The following VPS13A variants were observed in gnomAD, a reference collection of about 807,000 sequenced individuals.
The protein encoded by VPS13A is intermembrane lipid transfer protein VPS13A.
A neutral mutation model predicts 390.9 loss-of-function variants in VPS13A; 264 were observed. The observed-to-expected ratio is 0.68, with a 90% CI of 0.61 to 0.75. The LOEUF (loss-of-function observed/expected upper bound fraction) is 0.75, where lower values mean the gene tolerates loss of function less well. VPS13A is among the 30% of genes least tolerant of loss of function. VPS13A has a pLI of 0.00. For missense variants in VPS13A, 3,409 were observed against 3,733.9 expected (o/e 0.91, Z 2.27); for synonymous variants, 1,231 against 1,227.1 (o/e 1.00, Z -0.07).
At chr9:77,372,271 GTGTAAAAGTTTTCCTATTTC>G in intron 67 of VPS13A, among the ~76,000 whole-genome samples, 1 of 151,932 alleles carries the variant, frequency 6.6e-6, no homozygotes, top group Non-Finnish European at 1.5e-5. Flanking sequence ...CCCACCAACA[GTGTAAAAGTTTTCCTATTTC>G]TCCACATCCT....
intron 13 of VPS13A, among the ~76,000 whole-genome samples, chr9:77,222,848 G>C (rs965724614): frequency 6.6e-6 from 1 of 152,090 alleles, no homozygotes; most frequent in African/African-American, 2.4e-5. Context: ...TTCTTTGTAC[G>C]CCATAAACTA....
At position 77,357,679 on chromosome 9, in the gene VPS13A, A is replaced by T; in HGVS notation, c.7807-13A>T. 1.2e-6 allele frequency: 2 copies of T among 1,612,768 alleles called. No individual in the cohort carries two copies. The highest frequency in any genetic ancestry group is 1.7e-6 in the Non-Finnish European group (2 of 1,179,386). On this transcript the variant is annotated splice_polypyrimidine_tract_variant and intron_variant, in intron 55 of 71. Transcript: ENST00000360280. ...TAAATTAATTTTTTCATTTGGGGGGACATATTTTTCAGGTTCGCCTAACCC... is the reference window on the plus strand; with the variant it reads ...TAAATTAATTTTTTCATTTGGGGGGTCATATTTTTCAGGTTCGCCTAACCC...
chr9:77,272,693 G>A (rs1005369422), intron 23 of VPS13A, among the ~76,000 whole-genome samples: 2 of 152,186 alleles, frequency 1.3e-5, no homozygotes, highest in Non-Finnish European at 2.9e-5. Flanking sequence ...AGATCATGAT[G>A]AGAGGTAGGG....
rs1049187582 is a variant in VPS13A at position 77,209,341 on chromosome 9, G to A, written c.386-82G>A. On this transcript the variant is annotated intron_variant, in intron 5 of 71. Transcript: ENST00000360280. ...TATATGTATATTTCAGCAAGGCAAC[G>A]TAAGCATGTTACTTCAGTATGTGGA... 8.3e-6 allele frequency: 8 copies of A among 963,132 alleles called. No individual in the cohort carries two copies. In the Admixed American group the frequency reaches 1.4e-4, roughly 17 times the overall value. The allele number at this position is 963,132 out of a possible 1,614,324, so 59.7% of individuals were successfully genotyped here.
rs1467855502 is a variant in VPS13A, at chr9:77,419,874, G to A, written c.*3868G>A. The A allele has an allele frequency of 6.6e-6, 1 of 152,148 alleles. No homozygotes were observed. The highest frequency in any genetic ancestry group is 1.5e-5 in the Non-Finnish European group (1 of 68,024). 9.4% of individuals were successfully genotyped at this position (152,148 alleles called of 1,614,324 possible). ...TTTAAAAATGGGGAGCTAATACGTA[G>A]GGCACATTCTGGTAGGGCCAAAATA... On this transcript the variant is annotated 3_prime_UTR_variant, in exon 72 of 72. Coordinates refer to ENST00000360280, the MANE Select transcript of VPS13A (RefSeq NM_033305.3).
intron 33 of VPS13A, among the ~76,000 whole-genome samples, chr9:77,298,963 C>T (rs746507615): frequency 5.3e-5 from 8 of 152,248 alleles, no homozygotes; most frequent in Middle Eastern, 6.8e-3. Flanking sequence ...GGTCCAGTTT[C>T]AGTTTTCTGC....
At position 77,205,344 on chromosome 9, in the gene VPS13A, C is replaced by A; in HGVS notation, c.219C>A (p.Asn73Lys). ...TTAAACTTATAATTCCATGGAAAAA[C>A]CTTTATACTCAACCTGTTGAAGCCG... ...GNLKLIIPWK[N>K]LYTQPVEAVL... The change falls in exon 4 of 72, where the codon AAC becomes AAA. Residue 73 changes from asparagine to lysine, a missense_variant. Physicochemically the swap from Asn to Lys is moderately conservative, Grantham distance 94. Coordinates refer to ENST00000360280, the MANE Select transcript of VPS13A (RefSeq NM_033305.3). 6.6e-7 allele frequency: 1 copy of A among 1,518,650 alleles called. No homozygotes were observed. The highest frequency in any genetic ancestry group is 8.9e-7 in the Non-Finnish European group (1 of 1,128,026). 94.1% of individuals were successfully genotyped at this position (1,518,650 alleles called of 1,614,324 possible).
intron 31 of VPS13A, among the ~76,000 whole-genome samples, chr9:77,283,964 C>CTTTTTTTT (rs779066797): frequency 7.7e-6 from 1 of 129,626 alleles, no homozygotes; most frequent in Non-Finnish European, 1.7e-5. Flanking sequence ...ACCTTTTTCA[C>CTTTTTTTT]TTTTTTTTTT....
intron 22 of VPS13A, among the ~76,000 whole-genome samples, chr9:77,256,916 T>C (rs1485308956): frequency 1.3e-5 from 2 of 152,166 alleles, no homozygotes; most frequent in Admixed American, 6.5e-5. Context: ...TTGTAGACAG[T>C]ATGTAGTTGC....
At chr9:77,179,303 G>A (rs1823856957) in intron 1 of VPS13A, among the ~76,000 whole-genome samples, 1 of 152,148 alleles carries the variant, frequency 6.6e-6, no homozygotes, top group Admixed American at 6.5e-5. Context: ...AGGCATGTAT[G>A]CACCACCACA....
chr9:77,268,626 T>G (rs140920894), intron 23 of VPS13A, among the ~76,000 whole-genome samples: 80 of 152,108 alleles, frequency 5.3e-4, no homozygotes, highest in African/African-American at 1.9e-3. Context: ...GTAGAGAAGT[T>G]TTATCCCCAG....
At chr9:77,263,170 G>C (rs1182313729) in intron 23 of VPS13A, among the ~76,000 whole-genome samples, 1 of 150,380 alleles carries the variant, frequency 6.6e-6, no homozygotes, top group Non-Finnish European at 1.5e-5. Flanking sequence ...GCAGTGGTGC[G>C]ATCTTGGCTC....
At chr9:77,214,553 G>A (rs1347091993) in intron 10 of VPS13A, among the ~76,000 whole-genome samples, 167 bp downstream of exon 10, 1 of 151,750 alleles carries the variant, frequency 6.6e-6, no homozygotes, top group Non-Finnish European at 1.5e-5. Context: ...TTTTAGTAAC[G>A]TATTTTATTG....
At chr9:77,315,802 GATA>G (rs956021515) in intron 38 of VPS13A, among the ~76,000 whole-genome samples, 1 of 151,982 alleles carries the variant, frequency 6.6e-6, no homozygotes, top group African/African-American at 2.4e-5. Flanking sequence ...TCACAATTAA[GATA>G]ATATTTCAAT....
At chr9:77,214,018 G>C (rs375649593) in intron 9 of VPS13A, among the ~76,000 whole-genome samples, 4 of 151,724 alleles carry the variant, frequency 2.6e-5, no homozygotes, top group Non-Finnish European at 5.9e-5. Context: ...GCTCACACCT[G>C]TAATCCCAGC....
chr9:77,340,368 A>G (rs749948997), intron 49 of VPS13A, 36 bp from the exon 50 acceptor site: 1 of 1,608,164 alleles, frequency 6.2e-7, no homozygotes, highest in Admixed American at 1.7e-5. Context: ...GATGTTATAC[A>G]TAACAGTTTT....
intron 7 of VPS13A, 57 bp from the exon 8 acceptor site, chr9:77,212,912 C>T (rs1826049680): frequency 6.4e-7 from 1 of 1,554,918 alleles, no homozygotes; most frequent in Non-Finnish European, 8.9e-7. Context: ...TGATTTATTA[C>T]TCTGCTGTTT....
intron 21 of VPS13A, among the ~76,000 whole-genome samples, chr9:77,251,206 C>T (rs946667396): frequency 2.0e-5 from 3 of 152,104 alleles, no homozygotes; most frequent in Admixed American, 1.3e-4. Flanking sequence ...GGCAGAAGTA[C>T]GTTATTTTCA....
chr9:77,238,094 C>T lies in VPS13A; in HGVS notation c.1688C>T (p.Ser563Leu), dbSNP rs1824260926. ...CTGTCTTCATTGGATGATGCAATGT[C>T]ACTTTTCCAAATTACATTTGAGATA... ...RLLSSLDDAM[S>L]LFQITFEINP... The change falls in exon 18 of 72, where the codon TCA (serine) becomes TTA (leucine). Residue 563 changes from serine to leucine, a missense_variant. By Grantham distance (145) the Ser-to-Leu change is moderately radical. This residue lies in a region of VPS13A where 2,717 missense variants were observed against 2,917.4 expected (regional missense o/e 0.93). Coordinates refer to ENST00000360280, the MANE Select transcript of VPS13A (RefSeq NM_033305.3). The T allele has an allele frequency of 6.2e-7, 1 of 1,613,260 alleles. No individual in the cohort carries two copies. Among genetic ancestry groups the T allele is most frequent in the African/African-American group, 1.3e-5 (1 of 74,948 alleles).
Sources: gnomAD v4.1 joint callset for allele counts (sites outside exome capture counted in the v4.1 genomes callset) on GRCh38, gnomAD v4.1.1 for gene constraint, gnomAD v4.1.1 regional missense constraint, MANE v1.5 for transcripts, NCBI Gene and HGNC (gene_info 2026-07-23, HGNC 2026-07-21) for gene names.